Variants in RGPD3 observed in about 807,000 individuals in gnomAD.
RGPD3 encodes the protein RANBP2 like and GRIP domain containing 3.
Under a neutral mutation model 154.5 loss-of-function variants are expected in RGPD3, and 62 were observed. That is an observed-to-expected ratio of 0.40 (90% confidence interval 0.33 to 0.50). The LOEUF (loss-of-function observed/expected upper bound fraction) is 0.50, where lower values mean the gene tolerates loss of function less well. Ranked by LOEUF, RGPD3 falls within the 20% of genes least tolerant of loss-of-function variation. The pLI is 0.59. For missense variants in RGPD3, 919 were observed against 1,716.8 expected (o/e 0.54, Z 8.21); for synonymous variants, 308 against 607.0 (o/e 0.51, Z 7.24).
chr2:106,462,562 G>C (rs1008903706), intron 1 of RGPD3, among the ~76,000 whole-genome samples: 2 of 151,822 alleles, frequency 1.3e-5, no homozygotes, highest in African/African-American at 4.8e-5. Flanking sequence ...CTGAAAACAG[G>C]AACAGTAAGA....
intron 18 of RGPD3, among the ~76,000 whole-genome samples, chr2:106,429,032 G>A (rs1338583034): frequency 6.6e-6 from 1 of 151,780 alleles, no homozygotes; most frequent in Non-Finnish European, 1.5e-5. Flanking sequence ...TTCATTAACT[G>A]TTTACTGTAT....
chr2:106,467,522 C>CCGGG (rs1678661713), intron 1 of RGPD3, among the ~76,000 whole-genome samples: 1 of 56,772 alleles, frequency 1.8e-5, no homozygotes, highest in Non-Finnish European at 3.8e-5. Context: ...GAGGCCGCCG[C>CCGGG]TGGGCCGGGT....
chr2:106,464,324 G>C (rs1160030262), intron 1 of RGPD3, among the ~76,000 whole-genome samples: 2 of 133,064 alleles, frequency 1.5e-5, no homozygotes, highest in African/African-American at 5.7e-5. Context: ...CTGGACGATA[G>C]AGCGAGACTC....
intron 18 of RGPD3, among the ~76,000 whole-genome samples, chr2:106,429,345 A>G (rs1573261056): frequency 6.6e-6 from 1 of 151,690 alleles, no homozygotes; most frequent in Middle Eastern, 3.4e-3. Context: ...TTCTTAGTGC[A>G]TAACTCTATT....
intron 7 of RGPD3, among the ~76,000 whole-genome samples, chr2:106,445,079 G>A (rs1208550984): frequency 1.4e-4 from 18 of 132,934 alleles, no homozygotes; most frequent in African/African-American, 5.0e-4. Context: ...ATGAGGTCAG[G>A]AGATCGAGAC....
upstream of RGPD3, among the ~76,000 whole-genome samples, chr2:106,469,379 A>G (rs562933473): frequency 1.1e-4 from 16 of 152,156 alleles, no homozygotes; most frequent in African/African-American, 3.4e-4. Context: ...TATAAAAGAA[A>G]TTCTTCCAAA....
chr2:106,424,301 C>T lies in RGPD3; in HGVS notation c.3666G>A (p.Lys1222=), dbSNP rs776274966. ...DQTKVAEEEN[K]GSGTGAAGAS... ...CACCGGCCGCACCTGTACCTGAACC[C>T]TTATTTTCTTCCTCAGCGACTTTTG... Residue 1222 remains lysine, a synonymous_variant, in exon 20 of 23, where the codon AAG becomes AAA. Transcript: ENST00000409886. 1.9e-6 allele frequency: 3 copies of T among 1,611,822 alleles called. No homozygotes were observed. Among genetic ancestry groups the T allele is most frequent in the Non-Finnish European group, 2.5e-6 (3 of 1,179,868 alleles).
chr2:106,467,979 A>T (rs1315492264), intron 1 of RGPD3, among the ~76,000 whole-genome samples: 3 of 130,880 alleles, frequency 2.3e-5, no homozygotes, highest in Non-Finnish European at 4.9e-5. Context: ...CCGCAGGGCC[A>T]GGTCGAGGCC....
chr2:106,468,588 T>G (rs1678726071), upstream of RGPD3, among the ~76,000 whole-genome samples: 1 of 151,982 alleles, frequency 6.6e-6, no homozygotes. Flanking sequence ...GGCGGATCAC[T>G]TGAGGTCAAG....
intron 20 of RGPD3, among the ~76,000 whole-genome samples, chr2:106,420,610 A>G (rs1676951938): frequency 6.6e-6 from 1 of 152,300 alleles, no homozygotes; most frequent in African/African-American, 2.4e-5. Context: ...GACTTGGTGA[A>G]AAACAATAAT....
At chr2:106,410,755 A>T (rs964826818) in intron 22 of RGPD3, among the ~76,000 whole-genome samples, 3 of 151,954 alleles carry the variant, frequency 2.0e-5, no homozygotes, top group South Asian at 2.1e-4. Flanking sequence ...TATAACTATA[A>T]AATTAGGTTT....
At chr2:106,468,424 T>C, upstream of RGPD3, 1 of 1,500,710 alleles carries the variant, frequency 6.7e-7, no homozygotes, top group East Asian at 2.5e-5. Flanking sequence ...GACGAACTTG[T>C]GTCCTGCGTC....
intron 20 of RGPD3, among the ~76,000 whole-genome samples, chr2:106,417,577 T>A (rs1484986457): frequency 6.7e-6 from 1 of 149,904 alleles, no homozygotes; most frequent in Non-Finnish European, 1.5e-5. Flanking sequence ...GCCTTCTCCC[T>A]CTTCCCGGGT....
intron 15 of RGPD3, 76 bp downstream of exon 15, chr2:106,434,152 A>G: frequency 6.3e-7 from 1 of 1,598,310 alleles, no homozygotes; most frequent in Non-Finnish European, 8.5e-7. Flanking sequence ...TGAAATTACC[A>G]AAATATAAGA....
Position 106,447,432 on chromosome 2 carries a change from G to C in RGPD3, c.964C>G (p.Leu322Val), listed in dbSNP as rs1264317750. The change falls in exon 7 of 23, where the codon CTC (leucine) becomes GTC (valine). Residue 322 changes from leucine (L) to valine (V), a missense_variant. Leu to Val is a conservative substitution (Grantham distance 32, BLOSUM62 1). Transcript: ENST00000409886. ...ALSELAALCY[L>V]IAFQVPRPKI... is the part of the protein sequence containing the mutation. ...GGAAGACTTACCTGAAATGCTATGA[G>C]ATAGCACAATGCAGCCAGCTCAGAA... 1.2e-5 allele frequency: 2 copies of C among 169,912 alleles called. No individual in the cohort carries two copies. The highest frequency in any genetic ancestry group is 2.0e-5 in the Non-Finnish European group (2 of 102,186). 10.5% of individuals were successfully genotyped at this position (169,912 alleles called of 1,614,324 possible).
intron 1 of RGPD3, among the ~76,000 whole-genome samples, chr2:106,466,756 G>A (rs1344815860): frequency 1.0e-3 from 58 of 57,538 alleles, no homozygotes; most frequent in Non-Finnish European, 1.5e-3. Flanking sequence ...AGCAGCGCCC[G>A]TCGGGAGCCA....
At chr2:106,422,923 T>C in intron 20 of RGPD3, 120 bp downstream of exon 20, 2 of 1,591,038 alleles carry the variant, frequency 1.3e-6, no homozygotes, top group South Asian at 2.2e-5. Context: ...CTCAAATATT[T>C]TAGGGGTGTT....
At chr2:106,412,103 G>A (rs946870189) in intron 22 of RGPD3, among the ~76,000 whole-genome samples, 12 of 145,830 alleles carry the variant, frequency 8.2e-5, no homozygotes, top group African/African-American at 2.3e-4. Flanking sequence ...AGATTATAGC[G>A]TCTTCCTTGT....
upstream of RGPD3, among the ~76,000 whole-genome samples, chr2:106,469,562 T>G (rs13403472): frequency 2.5e-3 from 381 of 152,300 alleles, 2 homozygotes; most frequent in African/African-American, 8.6e-3. Flanking sequence ...TCCCTAAACA[T>G]CCACACTCAC....
Sources: gnomAD v4.1 joint callset for allele counts (sites outside exome capture counted in the v4.1 genomes callset) on GRCh38, gnomAD v4.1.1 for gene constraint, MANE v1.5 for transcripts, NCBI Gene and HGNC (gene_info 2026-07-23, HGNC 2026-07-21) for gene names.